SMARCAD1: variants seen among roughly 807,000 people sequenced by gnomAD.
SMARCAD1 encodes SWI/SNF-related matrix-associated actin-dependent regulator of chromatin subfamily A containing DEAD/H box 1.
Under a neutral mutation model 127.1 loss-of-function variants are expected in SMARCAD1, and 25 were observed. That is an observed-to-expected ratio of 0.20 (90% CI 0.14 to 0.27). The LOEUF is 0.27. SMARCAD1 is among the 10% of genes least tolerant of loss of function. SMARCAD1 has a pLI of 1.00. For synonymous variants in SMARCAD1, 400 were observed against 396.9 expected (o/e 1.01, Z -0.09); for missense variants, 807 against 1,206.0 (o/e 0.67, Z 4.90).
intron 14 of SMARCAD1, among the ~76,000 whole-genome samples, chr4:94,275,800 T>TATTTTA (rs1309423240): frequency 8.5e-5 from 12 of 141,168 alleles, no homozygotes; most frequent in Admixed American, 7.3e-5. Flanking sequence ...CATTTTCTTT[T>TATTTTA]TTTTTTTTTT....
At position 94,228,454 on chromosome 4, in the gene SMARCAD1, A is replaced by G. The variant is rs28525661; in HGVS notation, c.368+2158A>G. On this transcript the variant is annotated intron_variant, in intron 3 of 23. Coordinates refer to ENST00000354268, the MANE Select transcript of SMARCAD1 (RefSeq NM_020159.5). The stretch of plus-strand genomic sequence containing the variant: ...TTAACAGTAATATTTCAAACCCAGA[A>G]ATACCAATTAACACTAGTACAGTAC... Among the ~76,000 whole-genome samples, 1,401 of 152,280 alleles carry G rather than the reference A, an allele frequency of 9.2e-3. 20 individuals are homozygous for G. The highest frequency in any genetic ancestry group is 0.031 in the African/African-American group (1,300 of 41,562).
At position 94,270,774 on chromosome 4, in the gene SMARCAD1, T is replaced by C. The variant is rs757687469; in HGVS notation, c.1528T>C (p.Leu510=). 4 of 1,613,634 alleles carry C rather than the reference T, an allele frequency of 2.5e-6. No homozygotes were observed. The highest frequency in any genetic ancestry group is 1.7e-5 in the Admixed American group (1 of 60,026). ...YQKVGLNWLA[L]VHKHGLNGIL... ...GAAGGTTGGTTTGAATTGGCTGGCATTGGTACATAAACATGGACTTAATGG... is the reference window on the plus strand; with the variant it reads ...GAAGGTTGGTTTGAATTGGCTGGCACTGGTACATAAACATGGACTTAATGG... Residue 510 remains leucine (L), a synonymous_variant, in exon 11 of 24, where the codon TTG becomes CTG. Coordinates refer to ENST00000354268, the MANE Select transcript of SMARCAD1 (RefSeq NM_020159.5).
intron 10 of SMARCAD1, 79 bp downstream of exon 10, chr4:94,264,985 A>G: frequency 7.2e-7 from 1 of 1,395,372 alleles, no homozygotes; most frequent in South Asian, 1.3e-5. Context: ...TATCGTGCCT[A>G]GAAAGTGATA....
At position 94,276,643 on chromosome 4, in the gene SMARCAD1, T is replaced by C. The variant is rs150204964; in HGVS notation, c.1944+169T>C. ...GGAAGATAGTAAATATTTCACACTT[T>C]ATGGACTAGATGGCCTCTGTCACGT... On this transcript the variant is annotated intron_variant, in intron 15 of 23. Coordinates refer to ENST00000354268, the MANE Select transcript of SMARCAD1 (RefSeq NM_020159.5). 5.1e-3 allele frequency among the ~76,000 whole-genome samples: 784 copies of C among 152,332 alleles called. 10 individuals are homozygous for C. Among genetic ancestry groups the C allele is most frequent in the African/African-American group, 0.017 (690 of 41,574 alleles).
At chr4:94,223,610 C>T (rs72665658) in intron 2 of SMARCAD1, among the ~76,000 whole-genome samples, 57,245 of 150,820 alleles carry the variant, frequency 0.38, 11,881 homozygotes, top group East Asian at 0.71. Flanking sequence ...CTTTTGTTGC[C>T]CAGGCTGGAG....
At chr4:94,214,272 T>G (rs577196453) in intron 2 of SMARCAD1, among the ~76,000 whole-genome samples, 8 of 151,190 alleles carry the variant, frequency 5.3e-5, no homozygotes, top group South Asian at 2.1e-4. Context: ...TTTGTTTTTT[T>G]TTTTTTTTTT....
In SMARCAD1 at chr4:94,285,086, C is replaced by G; in HGVS notation, c.3019+17C>G. On this transcript the variant is annotated intron_variant, in intron 23 of 23. Coordinates refer to ENST00000354268, the MANE Select transcript of SMARCAD1 (RefSeq NM_020159.5). The stretch of plus-strand genomic sequence containing the variant: ...TAGATGAAGGTGAGTTGTTTGTAAG[C>G]AGAAACTTCAATATTTATCTATATG... 1 of 1,472,134 alleles carries G rather than the reference C, an allele frequency of 6.8e-7. No individual in the cohort carries two copies. The highest frequency in any genetic ancestry group is 9.4e-7 in the Non-Finnish European group (1 of 1,065,256). 91.2% of individuals were successfully genotyped at this position (1,472,134 alleles called of 1,614,324 possible).
chr4:94,273,575 G>A (rs760367159), intron 11 of SMARCAD1, 42 bp from the exon 12 acceptor site: 2 of 1,385,618 alleles, frequency 1.4e-6, no homozygotes, highest in African/African-American at 2.9e-5. Context: ...TTTATTTTTT[G>A]TTTGTTTTAA....
chr4:94,230,303 C>T (rs1379212898), intron 3 of SMARCAD1, among the ~76,000 whole-genome samples: 2 of 151,062 alleles, frequency 1.3e-5, no homozygotes, highest in East Asian at 3.9e-4. Flanking sequence ...TTGTTTCTTA[C>T]ACAAAAGATA....
chr4:94,229,987 A>G (rs138316940), intron 3 of SMARCAD1, among the ~76,000 whole-genome samples: 151 of 152,084 alleles, frequency 9.9e-4, no homozygotes, highest in African/African-American at 3.4e-3. Context: ...GAATAGCTAC[A>G]CCCATACTAC....
intron 9 of SMARCAD1, among the ~76,000 whole-genome samples, chr4:94,256,438 C>G (rs1750087401): frequency 6.6e-6 from 1 of 152,180 alleles, no homozygotes; most frequent in Admixed American, 6.5e-5. Context: ...TCTCAGCTCA[C>G]TGCAACCTCC....
chr4:94,210,040 C>G (rs192389119), intron 2 of SMARCAD1, among the ~76,000 whole-genome samples: 142 of 152,290 alleles, frequency 9.3e-4, no homozygotes, highest in African/African-American at 3.1e-3. Flanking sequence ...AGTTTGTAAA[C>G]TGGATTTCAG....
chr4:94,208,537 A>T lies in SMARCAD1; in HGVS notation c.143A>T (p.Glu48Val). 4 of 1,614,146 alleles carry T rather than the reference A, an allele frequency of 2.5e-6. No individual in the cohort carries two copies. Among genetic ancestry groups the T allele is most frequent in the Non-Finnish European group, 3.4e-6 (4 of 1,180,024 alleles). ...LSAEEENAEG[E>V]VSRANTPDSD... The stretch of plus-strand genomic sequence containing the variant: ...GCTGAAGAGGAGAATGCTGAAGGGG[A>T]AGTTAGCAGGGCAAACACTCCTGAT... Residue 48 changes from glutamate (E) to valine (V), a missense_variant, in exon 2 of 24, where the codon GAA becomes GTA. By Grantham distance (121) the Glu-to-Val change is moderately radical. Coordinates refer to ENST00000354268, the MANE Select transcript of SMARCAD1 (RefSeq NM_020159.5).
In SMARCAD1 at chr4:94,279,032, G is replaced by A; in HGVS notation, c.2400G>A (p.Met800Ile). 1 of 1,614,072 alleles carries A rather than the reference G, an allele frequency of 6.2e-7. No individual in the cohort carries two copies. The change falls in exon 19 of 24, where the codon ATG (methionine) becomes ATA (isoleucine). Residue 800 changes from methionine (M) to isoleucine (I), a missense_variant. Coordinates refer to ENST00000354268, the MANE Select transcript of SMARCAD1 (RefSeq NM_020159.5). ...ACACAGCTGAAAAACTCAAGGAAAT[G>A]TCTCAGCTTATGCTAAAGGTAAGGA... is the stretch of plus-strand genomic sequence containing the variant. ...QYYTAEKLKE[M>I]SQLMLKEPTH...
chr4:94,214,265 G>GTT lies in SMARCAD1; in HGVS notation c.190+5697_190+5698dup, dbSNP rs11418046. 7.6e-4 allele frequency among the ~76,000 whole-genome samples: 100 copies of GTT among 131,734 alleles called. 1 individual carries two copies. Among genetic ancestry groups the GTT allele is most frequent in the African/African-American group, 2.5e-3 (89 of 35,396 alleles). 86.4% of individuals were successfully genotyped at this position (131,734 alleles called of 152,430 possible). ...ATTATTGAAAATTGAGCGTTCTTTT[G>GTT]TTTTTTTTTTTTTTTTTGAGACAGT... is the stretch of plus-strand genomic sequence containing the variant. On this transcript the variant is annotated intron_variant, in intron 2 of 23. Transcript: ENST00000354268.
rs111735355 is a variant in SMARCAD1, at chr4:94,284,859, G to A, written c.2910-101G>A. On this transcript the variant is annotated intron_variant, in intron 22 of 23. Transcript: ENST00000354268. ...AAAAGAATTTAAGGATATGTTTGTC[G>A]TAATTTTCAAAGTATTCTTTTTGAA... 2,499 of 763,006 alleles carry A rather than the reference G, an allele frequency of 3.3e-3. 34 individuals carry two copies. The African/African-American group carries it at 0.035, about 11-fold the overall frequency. The allele number at this position is 763,006 out of a possible 1,614,324, so 47.3% of individuals were successfully genotyped here.
chr4:94,272,668 A>G (rs1287861624), intron 11 of SMARCAD1, among the ~76,000 whole-genome samples: 2 of 152,092 alleles, frequency 1.3e-5, no homozygotes, highest in African/African-American at 4.8e-5. Flanking sequence ...TATATGTATC[A>G]GTAATTTTTT....
chr4:94,211,465 G>T (rs1316295013), intron 2 of SMARCAD1, among the ~76,000 whole-genome samples: 1 of 152,108 alleles, frequency 6.6e-6, no homozygotes, highest in Non-Finnish European at 1.5e-5. Flanking sequence ...AATAGGATGT[G>T]ACTATTGACC....
At chr4:94,250,867 C>T (rs767004791) in intron 8 of SMARCAD1, 34 bp downstream of exon 8, 14 of 1,465,772 alleles carry the variant, frequency 9.6e-6, no homozygotes, top group Admixed American at 1.7e-5. Flanking sequence ...ATACATACTT[C>T]TCATTATAGT....
Sources: allele counts gnomAD v4.1 joint callset (sites outside exome capture counted in the v4.1 genomes callset), GRCh38; gene constraint gnomAD v4.1.1; transcripts MANE v1.5; gene names NCBI Gene and HGNC (gene_info 2026-07-23, HGNC 2026-07-21).